The following ERP44 variants were observed in gnomAD, a reference collection of about 807,000 sequenced individuals.
The protein encoded by ERP44 is endoplasmic reticulum protein 44, also known as endoplasmic reticulum resident protein 44.
Under a neutral mutation model 53.4 loss-of-function variants are expected in ERP44, and 25 were observed. The observed-to-expected ratio is 0.47, with a 90% CI of 0.34 to 0.65. ERP44 has a LOEUF of 0.65. Ranked by LOEUF, ERP44 falls within the 30% of genes least tolerant of loss-of-function variation. The pLI, the probability that ERP44 is intolerant of heterozygous loss-of-function variation, is 0.01. For missense variants in ERP44, 338 were observed against 493.2 expected (o/e 0.69, Z 2.98); for synonymous variants, 145 against 161.2 (o/e 0.90, Z 0.76).
intron 4 of ERP44, among the ~76,000 whole-genome samples, chr9:100,025,931 T>C (rs1830646168): frequency 6.6e-6 from 1 of 152,230 alleles, no homozygotes; most frequent in Non-Finnish European, 1.5e-5. Context: ...GTGTTGGTCC[T>C]ACTGCAACAA....
chr9:99,994,640 T>G (rs796554737), intron 10 of ERP44, among the ~76,000 whole-genome samples: 4 of 152,274 alleles, frequency 2.6e-5, no homozygotes, highest in African/African-American at 7.2e-5. Context: ...ACCCTAGAAC[T>G]TAAAAAAGTA....
At chr9:100,002,835 C>T (rs1008640400) in intron 10 of ERP44, among the ~76,000 whole-genome samples, 1 of 152,106 alleles carries the variant, frequency 6.6e-6, no homozygotes, top group Non-Finnish European at 1.5e-5. Context: ...TTTGACTTTC[C>T]TGTACCTAGA....
chr9:100,075,599 G>C (rs1347308398), intron 1 of ERP44, among the ~76,000 whole-genome samples: 1 of 152,190 alleles, frequency 6.6e-6, no homozygotes, highest in African/African-American at 2.4e-5. Context: ...CTGCATGCCA[G>C]AGGATGAGAA....
At chr9:100,093,872 T>C (rs999501346) in intron 1 of ERP44, among the ~76,000 whole-genome samples, 2 of 152,174 alleles carry the variant, frequency 1.3e-5, no homozygotes, top group Admixed American at 6.5e-5. Context: ...ACCCAATAAT[T>C]TGACATTATA....
At chr9:99,996,461 A>T (rs1236080868) in intron 10 of ERP44, among the ~76,000 whole-genome samples, 2 of 151,956 alleles carry the variant, frequency 1.3e-5, no homozygotes, top group African/African-American at 4.8e-5. Flanking sequence ...AGCTAAATAA[A>T]CCTCTTTTCT....
rs58004954 is a variant in ERP44, at chr9:100,063,075, C to CAAAAAAAAAAAAAAAAAA, written c.58-2921_58-2904dup. On this transcript the variant is annotated intron_variant, in intron 1 of 11. Transcript: ENST00000262455. ...GATGACAGAACAGGACCCTGTCTCA[C>CAAAAAAAAAAAAAAAAAA]AAAAAAAAAAAAAAAAAAGAGAGAG... 8.7e-3 allele frequency among the ~76,000 whole-genome samples: 349 copies of CAAAAAAAAAAAAAAAAAA among 40,012 alleles called. 74 individuals carry two copies. The highest frequency in any genetic ancestry group is 0.024 in the Admixed American group (59 of 2,506). The allele number at this position is 40,012 out of a possible 152,430, so 26.2% of individuals were successfully genotyped here. A position where few individuals can be genotyped will look rare whatever the true frequency, so the allele number is the denominator to read the frequency against.
intron 1 of ERP44, among the ~76,000 whole-genome samples, chr9:100,065,676 G>T (rs73505711): frequency 0.019 from 2,915 of 152,216 alleles, 104 homozygotes; most frequent in African/African-American, 0.067. Flanking sequence ...AACAGAAGAA[G>T]AGTTATATTA....
At chr9:100,002,716 T>A (rs1398981088) in intron 10 of ERP44, among the ~76,000 whole-genome samples, 1 of 152,212 alleles carries the variant, frequency 6.6e-6, no homozygotes, top group Non-Finnish European at 1.5e-5. Flanking sequence ...TAATCTTCTC[T>A]TGCTGCTTTC....
intron 8 of ERP44, among the ~76,000 whole-genome samples, chr9:100,011,193 G>C (rs1362724307): frequency 6.6e-6 from 1 of 152,106 alleles, no homozygotes; most frequent in Non-Finnish European, 1.5e-5. Flanking sequence ...AAAAAGCAGA[G>C]GGAGCTTAAA....
chr9:100,053,347 A>C (rs931294229), intron 3 of ERP44, among the ~76,000 whole-genome samples: 1 of 152,160 alleles, frequency 6.6e-6, no homozygotes, highest in Admixed American at 6.5e-5. Context: ...ACAAACCCCC[A>C]CAATATTCTA....
At chr9:100,098,345 C>A (rs1215283622) in intron 1 of ERP44, among the ~76,000 whole-genome samples, 2 of 152,204 alleles carry the variant, frequency 1.3e-5, no homozygotes, top group African/African-American at 4.8e-5. Context: ...CCAACCCGGG[C>A]ACCGCTTCAG....
chr9:100,009,331 C>T (rs531085452), intron 8 of ERP44, among the ~76,000 whole-genome samples: 1 of 152,072 alleles, frequency 6.6e-6, no homozygotes, highest in African/African-American at 2.4e-5. Flanking sequence ...CCAGGATGGT[C>T]TCAATCTCCT....
At chr9:100,059,822 A>G (rs1245973103) in intron 2 of ERP44, among the ~76,000 whole-genome samples, 1 of 152,222 alleles carries the variant, frequency 6.6e-6, no homozygotes, top group African/African-American at 2.4e-5. Context: ...GGTCATTAAC[A>G]TTTAGTTCTG....
intron 10 of ERP44, among the ~76,000 whole-genome samples, chr9:99,989,519 C>A (rs967845859): frequency 2.0e-5 from 3 of 152,144 alleles, no homozygotes; most frequent in Non-Finnish European, 4.4e-5. Flanking sequence ...AGGACATTCA[C>A]ACAAAAACCC....
intron 4 of ERP44, among the ~76,000 whole-genome samples, chr9:100,047,114 A>G (rs936629206): frequency 2.0e-5 from 3 of 152,246 alleles, no homozygotes; most frequent in Non-Finnish European, 4.4e-5. Flanking sequence ...GATCACAGAC[A>G]TAAGTATAAA....
intron 4 of ERP44, among the ~76,000 whole-genome samples, chr9:100,030,885 CAATG>C (rs1289461661): frequency 2.0e-5 from 3 of 152,178 alleles, no homozygotes; most frequent in Non-Finnish European, 2.9e-5. Context: ...TTGCTGCAGG[CAATG>C]AATGCTTTTC....
At chr9:100,006,694 A>T in intron 9 of ERP44, 47 bp from the exon 10 acceptor site, 1 of 1,390,654 alleles carries the variant, frequency 7.2e-7, no homozygotes, top group Non-Finnish European at 9.8e-7. Flanking sequence ...TTTTCTTGAA[A>T]ATATTTTTGT....
intron 8 of ERP44, among the ~76,000 whole-genome samples, chr9:100,014,138 C>T (rs1341969914): frequency 1.3e-5 from 2 of 152,148 alleles, no homozygotes; most frequent in African/African-American, 4.8e-5. Context: ...GGGGTAATAA[C>T]TGAGAAGGAA....
At chr9:100,078,798 T>A (rs186342489) in intron 1 of ERP44, among the ~76,000 whole-genome samples, 148 of 152,220 alleles carry the variant, frequency 9.7e-4, no homozygotes, top group Non-Finnish European at 1.6e-3. Context: ...AATATCTTCA[T>A]TTTATTTATC....
Sources: gnomAD v4.1 joint callset for allele counts (sites outside exome capture counted in the v4.1 genomes callset) on GRCh38, gnomAD v4.1.1 for gene constraint, MANE v1.5 for transcripts, NCBI Gene and HGNC (gene_info 2026-07-23, HGNC 2026-07-21) for gene names.